Variants in CSMD2 observed in about 807,000 individuals in gnomAD.
CSMD2 encodes the protein CUB and sushi domain-containing protein 2.
A neutral mutation model predicts 398.5 loss-of-function variants in CSMD2; 130 were observed. The ratio of observed to expected loss-of-function variants is 0.33; its 90% CI spans 0.28 to 0.38. The LOEUF is 0.38. Ranked by LOEUF, CSMD2 falls within the 10% of genes least tolerant of loss-of-function variation. The pLI is 1.00. For missense variants in CSMD2, 3,829 were observed against 4,764.9 expected (o/e 0.80, Z 5.78); for synonymous variants, 1,828 against 1,908.5 (o/e 0.96, Z 1.10).
intron 14 of CSMD2, among the ~76,000 whole-genome samples, chr1:33,740,282 TCCGAAGCCAGGC>T (rs1647015153): frequency 6.6e-6 from 1 of 151,066 alleles, no homozygotes; most frequent in African/African-American, 2.5e-5. Context: ...ACTAAATGTC[TCCGAAGCCAGGC>T]TCTATTTTCA....
At chr1:33,894,057 T>C (rs1280841843) in intron 5 of CSMD2, among the ~76,000 whole-genome samples, 2 of 152,112 alleles carry the variant, frequency 1.3e-5, no homozygotes, top group African/African-American at 4.8e-5. Context: ...ACCTGGATAA[T>C]GGATTCTTCT....
chr1:33,677,613 T>C (rs764843896), intron 25 of CSMD2, among the ~76,000 whole-genome samples: 1 of 152,176 alleles, frequency 6.6e-6, no homozygotes. Context: ...ACTGGGTATA[T>C]GCCCAAAGGA....
At chr1:34,017,186 G>A (rs574162940) in intron 3 of CSMD2, among the ~76,000 whole-genome samples, 1 of 152,296 alleles carries the variant, frequency 6.6e-6, no homozygotes, top group African/African-American at 2.4e-5. Flanking sequence ...TCACAAGGCA[G>A]CCTACTCCAA....
intron 5 of CSMD2, among the ~76,000 whole-genome samples, chr1:33,891,328 G>T (rs1305181470): frequency 1.7e-3 from 237 of 138,300 alleles, no homozygotes; most frequent in South Asian, 4.0e-3. Context: ...TCAGAGAAAT[G>T]CAAATCAAAA....
At chr1:33,530,947 G>T (rs994460708) in intron 64 of CSMD2, among the ~76,000 whole-genome samples, 1 of 152,014 alleles carries the variant, frequency 6.6e-6, no homozygotes, top group African/African-American at 2.4e-5. Flanking sequence ...GGCTAGGGTG[G>T]GGTGGTACTG....
intron 42 of CSMD2, among the ~76,000 whole-genome samples, chr1:33,603,494 T>C (rs1326967023): frequency 2.0e-5 from 3 of 152,074 alleles, no homozygotes; most frequent in Non-Finnish European, 4.4e-5. Context: ...CCCAACAGAT[T>C]CCAAGCAGAG....
chr1:34,047,935 T>C (rs1450210970), intron 2 of CSMD2, among the ~76,000 whole-genome samples: 2 of 152,204 alleles, frequency 1.3e-5, no homozygotes, highest in African/African-American at 4.8e-5. Flanking sequence ...ACTGCTTAAT[T>C]ACCAGTCTCC....
intron 1 of CSMD2, among the ~76,000 whole-genome samples, chr1:34,093,389 C>T (rs1227632215): frequency 5.3e-5 from 8 of 152,270 alleles, no homozygotes; most frequent in South Asian, 4.1e-4. Flanking sequence ...TCACCAGCAA[C>T]GGAACAAAGC....
intron 3 of CSMD2, among the ~76,000 whole-genome samples, chr1:33,992,376 C>CTTTGTATT: frequency 6.6e-6 from 1 of 151,938 alleles, no homozygotes; most frequent in South Asian, 2.1e-4. Flanking sequence ...CCTTCTACTT[C>CTTTGTATT]TTTGTATTTT....
rs1408100735 is a variant in CSMD2, at chr1:33,540,677, G to A, written c.9479C>T (p.Pro3160Leu). 5.0e-6 allele frequency: 8 copies of A among 1,614,186 alleles called. No homozygotes were observed. The highest frequency in any genetic ancestry group is 1.6e-4 in the Middle Eastern group (1 of 6,062). Reference sequence around the variant, plus strand: ...CACCACCTTCCCATTGGGGATGAGCGGAGGTGGCTTGCACATGAGAGCTGG... The same window carrying A: ...CACCACCTTCCCATTGGGGATGAGCAGAGGTGGCTTGCACATGAGAGCTGG... ...VCKALMCKPP[P>L]LIPNGKVVGS... The change falls in exon 60 of 71, where the codon CCG (proline) becomes CTG (leucine). Residue 3160 changes from proline to leucine, a missense_variant. Pro to Leu is a moderately conservative substitution (Grantham distance 98). Around this residue, in one of 5 missense-constraint regions of CSMD2, gnomAD observed 917 missense variants for 1,199.5 expected, o/e 0.76. Transcript: ENST00000373381.
chr1:34,162,759 T>C (rs1437809599), intron 1 of CSMD2, among the ~76,000 whole-genome samples: 1 of 151,998 alleles, frequency 6.6e-6, no homozygotes, highest in Non-Finnish European at 1.5e-5. Context: ...CTCGGAAGAC[T>C]GAGGCAGGAG....
intron 6 of CSMD2, among the ~76,000 whole-genome samples, chr1:33,840,568 G>A (rs1660752203): frequency 6.6e-6 from 1 of 152,190 alleles, no homozygotes; most frequent in Admixed American, 6.5e-5. Context: ...GCACACAGAA[G>A]TTTCCCAGTG....
At chr1:33,634,888 G>C (rs1173220475) in intron 31 of CSMD2, among the ~76,000 whole-genome samples, 3 of 152,086 alleles carry the variant, frequency 2.0e-5, no homozygotes, top group Non-Finnish European at 4.4e-5. Flanking sequence ...AACAGGTCTA[G>C]ATCTGCGGCA....
chr1:33,597,876 G>T (rs1470259569), intron 44 of CSMD2, among the ~76,000 whole-genome samples: 1 of 152,178 alleles, frequency 6.6e-6, no homozygotes, highest in Non-Finnish European at 1.5e-5. Context: ...TTCATGCAAT[G>T]AAATCATACA....
chr1:33,608,811 C>A (rs1264131668), intron 41 of CSMD2, among the ~76,000 whole-genome samples: 15 of 152,174 alleles, frequency 9.9e-5, no homozygotes. Flanking sequence ...ACACCTTGAT[C>A]TTGACCATCC....
intron 47 of CSMD2, 75 bp downstream of exon 47, chr1:33,583,567 G>C (rs1408486284): frequency 6.9e-7 from 1 of 1,446,402 alleles, no homozygotes; most frequent in East Asian, 2.3e-5. Context: ...GAAAACTGCA[G>C]CACAGACTCC....
intron 15 of CSMD2, among the ~76,000 whole-genome samples, chr1:33,736,417 C>G (rs1646887202): frequency 1.3e-5 from 2 of 151,412 alleles, no homozygotes; most frequent in Admixed American, 1.3e-4. Context: ...GGAGGTGGAG[C>G]TTGCAGTGAG....
chr1:33,871,087 CG>C (rs1640427210), intron 5 of CSMD2: 1 of 152,156 alleles, frequency 6.6e-6, no homozygotes, highest in South Asian at 2.1e-4. Context: ...AGCCTTGTGA[CG>C]GACTCAGCTA....
intron 1 of CSMD2, among the ~76,000 whole-genome samples, chr1:34,099,197 C>G (rs1226669615): frequency 5.9e-5 from 9 of 152,194 alleles, no homozygotes; most frequent in African/African-American, 2.2e-4. Flanking sequence ...ATTTACTTTG[C>G]TCCTGTCCCT....
Sources: gnomAD v4.1 joint callset for allele counts (sites outside exome capture counted in the v4.1 genomes callset) on GRCh38, gnomAD v4.1.1 for gene constraint, gnomAD v4.1.1 regional missense constraint, MANE v1.5 for transcripts, NCBI Gene and HGNC (gene_info 2026-07-23, HGNC 2026-07-21) for gene names.